The following EPHA6 variants were observed in gnomAD, a reference collection of about 807,000 sequenced individuals.
EPHA6 encodes the protein ephrin type-A receptor 6.
In EPHA6, 50 loss-of-function variants were observed where a neutral mutation model predicts 112.0. That is an observed-to-expected ratio of 0.45 (90% confidence interval 0.36 to 0.56). The LOEUF (loss-of-function observed/expected upper bound fraction) is 0.56, where lower values mean the gene tolerates loss of function less well. Among genes scored for constraint, EPHA6 ranks in the 20% least tolerant of loss-of-function variants. The probability of loss-of-function intolerance (pLI) is 0.00; values close to 1 mark genes in which losing one functional copy is unlikely to be tolerated. For synonymous variants in EPHA6, 529 were observed against 490.7 expected (o/e 1.08, Z -1.03); for missense variants, 1,280 against 1,417.4 (o/e 0.90, Z 1.56).
chr3:97,410,025 A>C (rs2107110231), intron 6 of EPHA6, among the ~76,000 whole-genome samples: 1 of 152,220 alleles, frequency 6.6e-6, no homozygotes, highest in South Asian at 2.1e-4. Flanking sequence ...AAAAAATATA[A>C]GGAGATTTGT....
chr3:96,831,419 A>C (rs1379262122), intron 1 of EPHA6, among the ~76,000 whole-genome samples: 1 of 152,026 alleles, frequency 6.6e-6, no homozygotes, highest in African/African-American at 2.4e-5. Context: ...GCACCTGTCA[A>C]GTCTTAGTGT....
intron 2 of EPHA6, among the ~76,000 whole-genome samples, chr3:96,909,128 C>T (rs1190298830): frequency 6.6e-6 from 1 of 151,636 alleles, no homozygotes; most frequent in African/African-American, 2.4e-5. Context: ...TGGCTTTCTC[C>T]TTATATTAAA....
intron 2 of EPHA6, among the ~76,000 whole-genome samples, chr3:96,898,607 T>G (rs1190822564): frequency 6.6e-6 from 1 of 152,166 alleles, no homozygotes; most frequent in Non-Finnish European, 1.5e-5. Flanking sequence ...TGTAGATAAT[T>G]TCAGTAACCC....
At chr3:97,132,208 A>G (rs2075646994) in intron 3 of EPHA6, among the ~76,000 whole-genome samples, 1 of 152,108 alleles carries the variant, frequency 6.6e-6, no homozygotes, top group South Asian at 2.1e-4. Context: ...CAATGCATAT[A>G]TTTATTAATT....
intron 3 of EPHA6, among the ~76,000 whole-genome samples, chr3:97,064,292 A>G (rs1326997597): frequency 1.3e-5 from 2 of 152,150 alleles, no homozygotes; most frequent in African/African-American, 4.8e-5. Context: ...GAGGTAAATA[A>G]TATAAAGTGA....
chr3:97,063,861 C>T (rs1333368528), intron 3 of EPHA6, among the ~76,000 whole-genome samples: 1 of 152,066 alleles, frequency 6.6e-6, no homozygotes, highest in Admixed American at 6.6e-5. Context: ...TAATTGAATG[C>T]CCAAGCTCAA....
At chr3:97,213,949 G>A (rs2077952718) in intron 3 of EPHA6, among the ~76,000 whole-genome samples, 1 of 151,100 alleles carries the variant, frequency 6.6e-6, no homozygotes, top group Non-Finnish European at 1.5e-5. Context: ...ATTGGAATTA[G>A]TACCAGTACT....
chr3:97,025,629 G>A (rs899444856), intron 3 of EPHA6, among the ~76,000 whole-genome samples: 12 of 151,932 alleles, frequency 7.9e-5, no homozygotes, highest in South Asian at 2.1e-4. Context: ...TCACTCTTTC[G>A]CCAGGCTAGT....
rs2034350856 is a variant in EPHA6, at chr3:97,718,397, T to C, written c.2785-1864T>C. On this transcript the variant is annotated intron_variant, in intron 14 of 17. Coordinates refer to ENST00000389672, the MANE Select transcript of EPHA6 (RefSeq NM_001080448.3). The stretch of plus-strand genomic sequence containing the variant: ...AGTGCTTTGGATTAGGGTAGATAGA[T>C]TTAGTAAATAAAAATATAGAGTGCC... Among the ~76,000 whole-genome samples, 5 of 152,174 alleles carry C rather than the reference T, an allele frequency of 3.3e-5. No individual in the cohort carries two copies. In the South Asian group the frequency reaches 1.0e-3, roughly 32 times the overall value.
At chr3:97,600,190 T>A (rs2093631776) in intron 12 of EPHA6, among the ~76,000 whole-genome samples, 1 of 150,616 alleles carries the variant, frequency 6.6e-6, no homozygotes, top group Admixed American at 6.6e-5. Flanking sequence ...GTTTTCTAGA[T>A]ATACAATCAT....
At chr3:97,448,762 G>A in intron 7 of EPHA6, 32 bp downstream of exon 7, 1 of 1,605,686 alleles carries the variant, frequency 6.2e-7, no homozygotes, top group Non-Finnish European at 8.5e-7. Context: ...AACATAAGAT[G>A]TGAATTTAGT....
intron 2 of EPHA6, among the ~76,000 whole-genome samples, chr3:96,868,452 A>G (rs1372336085): frequency 6.6e-6 from 1 of 151,632 alleles, no homozygotes; most frequent in African/African-American, 2.4e-5. Context: ...AGGTTACAGT[A>G]CTTAAAATCC....
intron 2 of EPHA6, among the ~76,000 whole-genome samples, chr3:96,894,232 C>A (rs538241265): frequency 6.6e-6 from 1 of 152,166 alleles, no homozygotes; most frequent in East Asian, 1.9e-4. Context: ...AAGAACTCAT[C>A]GATGACCCAC....
At chr3:97,147,634 G>A (rs767824039) in intron 3 of EPHA6, among the ~76,000 whole-genome samples, 4 of 152,056 alleles carry the variant, frequency 2.6e-5, no homozygotes, top group Non-Finnish European at 4.4e-5. Flanking sequence ...GATTAGTGGT[G>A]CAACAATTAT....
intron 13 of EPHA6, among the ~76,000 whole-genome samples, chr3:97,631,368 C>T (rs2093901213): frequency 1.3e-5 from 2 of 151,910 alleles, no homozygotes; most frequent in Non-Finnish European, 2.9e-5. Flanking sequence ...CCAGTGTTTG[C>T]ATACCTTGGT....
chr3:97,690,261 T>C (rs301964), intron 14 of EPHA6, among the ~76,000 whole-genome samples: 152,243 of 152,334 alleles, frequency 1, 76,076 homozygotes, highest in Middle Eastern at 1. Flanking sequence ...ATCATCCCAC[T>C]GGTAAGGAAT....
At chr3:97,705,055 C>T (rs2033604587) in intron 14 of EPHA6, among the ~76,000 whole-genome samples, 1 of 152,062 alleles carries the variant, frequency 6.6e-6, no homozygotes, top group African/African-American at 2.4e-5. Context: ...TTGCTTAAAG[C>T]CTTTCAATGG....
rs534145899 is a variant in EPHA6, at chr3:96,989,864, A to T, written c.1114+1871A>T. 2.6e-5 allele frequency among the ~76,000 whole-genome samples: 4 copies of T among 152,228 alleles called. No homozygotes were observed. In the East Asian group the frequency reaches 7.7e-4, roughly 29 times the overall value. On this transcript the variant is annotated intron_variant, in intron 3 of 17. Coordinates refer to ENST00000389672, the MANE Select transcript of EPHA6 (RefSeq NM_001080448.3). ...CAGGCCCCTCCTCCAGAATTTCAAGATGAGATTTGGGTGGGGACATAGACA... is the reference window on the plus strand; with the variant it reads ...CAGGCCCCTCCTCCAGAATTTCAAGTTGAGATTTGGGTGGGGACATAGACA...
chr3:97,122,982 T>C (rs190957264), intron 3 of EPHA6, among the ~76,000 whole-genome samples: 19 of 152,106 alleles, frequency 1.2e-4, no homozygotes, highest in Admixed American at 1.2e-3. Flanking sequence ...AGCTTGTCCT[T>C]ATGCATATGC....
Sources: allele counts gnomAD v4.1 joint callset (sites outside exome capture counted in the v4.1 genomes callset), GRCh38; gene constraint gnomAD v4.1.1; transcripts MANE v1.5; gene names NCBI Gene and HGNC (gene_info 2026-07-23, HGNC 2026-07-21).